VBP1: variants seen among roughly 807,000 people sequenced by gnomAD.
VBP1 encodes the protein VHL binding protein 1, also known as prefoldin subunit 3.
VBP1 carries 4 observed loss-of-function variants against 15.5 expected under a neutral mutation model. The observed-to-expected ratio is 0.26, with a 90% confidence interval of 0.13 to 0.59. VBP1 has a LOEUF of 0.59. VBP1 is among the 20% of genes least tolerant of loss of function. VBP1 has a pLI of 0.90. For missense variants in VBP1, 108 were observed against 139.6 expected (o/e 0.77, Z 1.14); for synonymous variants, 61 against 52.1 (o/e 1.17, Z -0.74).
chrX:155,220,434 A>G lies in VBP1; in HGVS notation c.218+127A>G, dbSNP rs1194818646. 1.5e-5 allele frequency: 8 copies of G among 551,165 alleles called. No individual in the cohort carries two copies. The South Asian group carries it at 2.6e-4, about 18-fold the overall frequency. 45.4% of individuals were successfully genotyped at this position (551,165 alleles called of 1,213,427 possible). ...TTCAGTCCTCCAAGGTGGCTGTACCATATGAAATTCCCACCAGCAACGTAC... is the reference window on the plus strand; with the variant it reads ...TTCAGTCCTCCAAGGTGGCTGTACCGTATGAAATTCCCACCAGCAACGTAC... On this transcript the variant is annotated intron_variant, in intron 2 of 5. Transcript: ENST00000286428.
At chrX:155,232,436 A>AT (rs1204881041) in intron 4 of VBP1, among the ~76,000 whole-genome samples, 1 of 110,923 alleles carries the variant, frequency 9.0e-6, no homozygotes, top group African/African-American at 3.3e-5. Context: ...ATCTGCAAAC[A>AT]TTTTTTTCCT....
chrX:155,198,388 G>A (rs907832829), intron 1 of VBP1, among the ~76,000 whole-genome samples: 7 of 111,413 alleles, frequency 6.3e-5, no homozygotes, highest in African/African-American at 1.3e-4. Flanking sequence ...CACCTCACAC[G>A]GCGGGGTACT....
At chrX:155,212,029 A>G (rs1197290380), upstream of VBP1, among the ~76,000 whole-genome samples, 2 of 112,359 alleles carry the variant, frequency 1.8e-5, no homozygotes, top group African/African-American at 6.5e-5. Context: ...ATATGTGCCC[A>G]AAGCCCTATT....
chrX:155,226,297 CTCTTATGT>C (rs1383069982), intron 2 of VBP1, among the ~76,000 whole-genome samples: 1 of 111,603 alleles, frequency 9.0e-6, no homozygotes, highest in Non-Finnish European at 1.9e-5. Context: ...TACTGTTTTT[CTCTTATGT>C]TCTTGTCAGT....
At chrX:155,217,776 A>G (rs1302637748) in intron 1 of VBP1, among the ~76,000 whole-genome samples, 1 of 111,475 alleles carries the variant, frequency 9.0e-6, no homozygotes, top group African/African-American at 3.3e-5. Context: ...CGTTTTTTAG[A>G]TGATAAAACT....
chrX:155,233,019 C>T (rs1170644689), intron 4 of VBP1, among the ~76,000 whole-genome samples: 1 of 112,287 alleles, frequency 8.9e-6, no homozygotes, highest in Non-Finnish European at 1.9e-5. Flanking sequence ...TGCTGCTACA[C>T]GCCAGCACTG....
At chrX:155,235,689 G>A (rs2074768734) in intron 4 of VBP1, among the ~76,000 whole-genome samples, 1 of 112,308 alleles carries the variant, frequency 8.9e-6, no homozygotes, top group Admixed American at 9.4e-5. Context: ...GATAATAAAT[G>A]TCTTTGAAAA....
upstream of VBP1, among the ~76,000 whole-genome samples, chrX:155,212,360 A>T (rs782309996): frequency 8.9e-6 from 1 of 111,848 alleles, no homozygotes; most frequent in East Asian, 2.8e-4. Context: ...TTGGGTGGAC[A>T]TGGGGGCAGA....
At chrX:155,223,771 G>A (rs1416573734) in intron 2 of VBP1, among the ~76,000 whole-genome samples, 2 of 110,835 alleles carry the variant, frequency 1.8e-5, no homozygotes, top group African/African-American at 3.3e-5. Flanking sequence ...CAGACGGGGC[G>A]GCCGGGCAGA....
At chrX:155,208,789 A>T in intron 1 of VBP1, 1 of 524,544 alleles carries the variant, frequency 1.9e-6, no homozygotes, top group Non-Finnish European at 3.0e-6. Context: ...CTAGGGGGCT[A>T]CTTGTTCTCA....
At chrX:155,216,717 C>A in intron 1 of VBP1, 142 bp downstream of exon 1, 1 of 821,153 alleles carries the variant, frequency 1.2e-6, no homozygotes, top group Non-Finnish European at 1.7e-6. Context: ...TCTCACCCCT[C>A]GCACCTGGAC....
At chrX:155,199,034 GAAGT>G (rs1342228743) in intron 1 of VBP1, among the ~76,000 whole-genome samples, 1 of 111,098 alleles carries the variant, frequency 9.0e-6, no homozygotes, top group African/African-American at 3.3e-5. Context: ...ATGAATGAAT[GAAGT>G]GAGAAGGGAA....
At chrX:155,208,737 C>A (rs963921047) in intron 1 of VBP1, 3 of 369,224 alleles carry the variant, frequency 8.1e-6, no homozygotes, top group African/African-American at 5.2e-5. Context: ...ATTTAGCATT[C>A]CTTTCAATTG....
intron 1 of VBP1, among the ~76,000 whole-genome samples, chrX:155,197,838 G>C (rs2074584239): frequency 8.9e-6 from 1 of 112,489 alleles, no homozygotes; most frequent in African/African-American, 3.2e-5. Context: ...AAGGGGTCAG[G>C]GAGTTCCCTT....
rs1557311554 is a variant in VBP1 at position 155,236,243 on chromosome X, T to C, written c.399T>C (p.Leu133=). The C allele has an allele frequency of 8.3e-7, 1 of 1,209,564 alleles. No individual in the cohort carries two copies. Among genetic ancestry groups the C allele is most frequent in the Non-Finnish European group, 1.1e-6 (1 of 894,455 alleles). ...VCLWLGANVM[L]EYDIDEAQAL... The stretch of plus-strand genomic sequence containing the variant: ...TCTCTCTTCAGGCTAATGTAATGCT[T>C]GAATATGATATTGATGAAGCTCAGG... The change falls in exon 5 of 6, where the codon CTT becomes CTC. Residue 133 remains leucine, a synonymous_variant. Coordinates refer to ENST00000286428, the MANE Select transcript of VBP1 (RefSeq NM_003372.7).
In VBP1 at chrX:155,198,115, A is replaced by T. The variant is rs1299767896; in HGVS notation, c.-31+976A>T. Among the ~76,000 whole-genome samples, 5 of 112,798 alleles carry T rather than the reference A, an allele frequency of 4.4e-5. No homozygotes were observed. In the Admixed American group the frequency reaches 4.6e-4, roughly 10 times the overall value. ...TAAACAAAGCAGCCAGGAAGCTCGA[A>T]CTGGGTGGAGCCCACCACAGCTCAA... On this transcript the variant is annotated intron_variant, in intron 1 of 6. Transcript: ENST00000535916.
chrX:155,236,104 ACT>A, intron 4 of VBP1, 123 bp from the exon 5 acceptor site: 1 of 776,074 alleles, frequency 1.3e-6, no homozygotes, highest in Non-Finnish European at 1.8e-6. Flanking sequence ...CTCCAGTGAA[ACT>A]TAACTTACAA....
At chrX:155,203,388 A>C (rs1367162291) in intron 1 of VBP1, among the ~76,000 whole-genome samples, 3 of 110,987 alleles carry the variant, frequency 2.7e-5, no homozygotes, top group African/African-American at 9.8e-5. Flanking sequence ...AGACTGGATT[A>C]AGAAAATGTG....
chrX:155,210,269 G>A (rs189851576), intron 2 of VBP1, among the ~76,000 whole-genome samples: 20 of 110,644 alleles, frequency 1.8e-4, no homozygotes, highest in Non-Finnish European at 3.6e-4. Context: ...GCAACATTGC[G>A]AGGCCCCATC....
Sources: allele counts gnomAD v4.1 joint callset (sites outside exome capture counted in the v4.1 genomes callset), GRCh38; gene constraint gnomAD v4.1.1; transcripts MANE v1.5; gene names NCBI Gene and HGNC (gene_info 2026-07-23, HGNC 2026-07-21).